Variants in OXR1 observed in about 807,000 individuals in gnomAD.
OXR1 encodes oxidation resistance protein 1.
Under a neutral mutation model 104.6 loss-of-function variants are expected in OXR1, and 41 were observed. The observed-to-expected ratio is 0.39, with a 90% CI of 0.31 to 0.51. OXR1 has a LOEUF of 0.51. OXR1 is among the 20% of genes least tolerant of loss of function. The probability of loss-of-function intolerance (pLI) is 0.77; values close to 1 mark genes in which losing one functional copy is unlikely to be tolerated. For synonymous variants in OXR1, 348 were observed against 348.4 expected (o/e 1.00, Z 0.01); for missense variants, 955 against 1,031.9 (o/e 0.93, Z 1.02).
intron 2 of OXR1, among the ~76,000 whole-genome samples, chr8:106,450,220 C>T (rs1267020451): frequency 6.6e-6 from 1 of 152,100 alleles, no homozygotes; most frequent in Non-Finnish European, 1.5e-5. Context: ...CTTATGAAGA[C>T]GTTCCTCATA....
intron 1 of OXR1, among the ~76,000 whole-genome samples, chr8:106,342,277 G>A (rs1167813911): frequency 6.8e-6 from 1 of 146,454 alleles, no homozygotes; most frequent in Non-Finnish European, 1.5e-5. Flanking sequence ...TCGAGACAGA[G>A]TCTCACTCTG....
At chr8:106,511,723 A>G (rs1333944853) in intron 2 of OXR1, among the ~76,000 whole-genome samples, 2 of 152,258 alleles carry the variant, frequency 1.3e-5, no homozygotes, top group Admixed American at 6.5e-5. Context: ...AGGCAGATAT[A>G]GCATGAATAC....
At chr8:106,540,206 A>G (rs1338672544) in intron 3 of OXR1, among the ~76,000 whole-genome samples, 1 of 152,152 alleles carries the variant, frequency 6.6e-6, no homozygotes, top group Non-Finnish European at 1.5e-5. Context: ...AAGTTAAGGA[A>G]TCAGGAGCAC....
At chr8:106,674,465 A>C (rs1587043066) in intron 3 of OXR1, among the ~76,000 whole-genome samples, 1 of 152,318 alleles carries the variant, frequency 6.6e-6, no homozygotes, top group East Asian at 1.9e-4. Flanking sequence ...GCTTATAGGC[A>C]GAAGGAACTT....
At chr8:106,674,597 G>A (rs1041066787) in intron 3 of OXR1, among the ~76,000 whole-genome samples, 1 of 152,110 alleles carries the variant, frequency 6.6e-6, no homozygotes, top group Non-Finnish European at 1.5e-5. Context: ...CATGAAATTT[G>A]GGAGGGGCCA....
chr8:106,281,357 C>T (rs933584034), intron 1 of OXR1, among the ~76,000 whole-genome samples: 1 of 152,138 alleles, frequency 6.6e-6, no homozygotes, highest in Non-Finnish European at 1.5e-5. Context: ...ATGGATTCCA[C>T]AGAATAGAAT....
At chr8:106,565,210 T>C (rs1285477693) in intron 3 of OXR1, among the ~76,000 whole-genome samples, 1 of 152,210 alleles carries the variant, frequency 6.6e-6, no homozygotes, top group East Asian at 1.9e-4. Context: ...GATGACATGA[T>C]TGTATATTTA....
At chr8:106,551,385 T>G (rs1445800656) in intron 3 of OXR1, among the ~76,000 whole-genome samples, 1 of 152,198 alleles carries the variant, frequency 6.6e-6, no homozygotes, top group Non-Finnish European at 1.5e-5. Context: ...GAAAGTTCTA[T>G]TCACTTAAGG....
Position 106,379,354 on chromosome 8 carries a change from C to T in OXR1, c.23+19718C>T, listed in dbSNP as rs553882802. ...ATGTAGATCTTTCTGATAATATTAACTAACAGTTTCAGCTGCTTTTTAAAG... is the reference window on the plus strand; with the variant it reads ...ATGTAGATCTTTCTGATAATATTAATTAACAGTTTCAGCTGCTTTTTAAAG... On this transcript the variant is annotated intron_variant, in intron 2 of 16. Coordinates refer to ENST00000517566, the MANE Select transcript of OXR1 (RefSeq NM_001198533.2). Among the ~76,000 whole-genome samples, 373 of 152,200 alleles carry T rather than the reference C, an allele frequency of 2.5e-3. 1 individual carries two copies. The highest frequency in any genetic ancestry group is 4.7e-3 in the Non-Finnish European group (319 of 68,010).
chr8:106,742,852 A>C (rs1278952327), intron 15 of OXR1, among the ~76,000 whole-genome samples: 1 of 152,240 alleles, frequency 6.6e-6, no homozygotes, highest in Non-Finnish European at 1.5e-5. Flanking sequence ...ACCCTAGAAG[A>C]AAATCTAGGC....
chr8:106,562,025 T>G lies in OXR1; in HGVS notation c.220+42886T>G, dbSNP rs375708641. Among the ~76,000 whole-genome samples, 12 of 152,174 alleles carry G rather than the reference T, an allele frequency of 7.9e-5. No individual in the cohort carries two copies. The East Asian group carries it at 1.7e-3, about 22-fold the overall frequency. ...ACCCACAAAGATGAGGAAAAACCAG[T>G]GCAAAAAGGCTAAAAATTCCAAATC... On this transcript the variant is annotated intron_variant, in intron 3 of 16. Coordinates refer to ENST00000517566, the MANE Select transcript of OXR1 (RefSeq NM_001198533.2).
chr8:106,570,199 T>C (rs1264790624), intron 3 of OXR1, among the ~76,000 whole-genome samples: 1 of 152,172 alleles, frequency 6.6e-6, no homozygotes, highest in Non-Finnish European at 1.5e-5. Flanking sequence ...TAATGCTGCT[T>C]CCACTGTGTC....
chr8:106,320,360 C>CCT (rs1457356196), intron 1 of OXR1, among the ~76,000 whole-genome samples: 2 of 152,128 alleles, frequency 1.3e-5, no homozygotes, highest in Non-Finnish European at 2.9e-5. Context: ...GTCCCCTTTA[C>CCT]CTCTGGTTAG....
intron 2 of OXR1, among the ~76,000 whole-genome samples, chr8:106,445,194 AT>A (rs35226646): frequency 1.3e-5 from 2 of 152,128 alleles, no homozygotes; most frequent in African/African-American, 4.8e-5. Flanking sequence ...CATCTTACGT[AT>A]TTTATTTCTA....
intron 2 of OXR1, among the ~76,000 whole-genome samples, chr8:106,435,908 A>G (rs187985361): frequency 3.4e-4 from 52 of 152,226 alleles, no homozygotes; most frequent in Non-Finnish European, 7.4e-5. Flanking sequence ...ACCAAAAGTG[A>G]TCTAACCAAT....
At chr8:106,717,694 G>A (rs529233867) in intron 11 of OXR1, among the ~76,000 whole-genome samples, 1 of 152,142 alleles carries the variant, frequency 6.6e-6, no homozygotes, top group Non-Finnish European at 1.5e-5. Flanking sequence ...AATTGTATAG[G>A]CATATAGTTC....
intron 3 of OXR1, among the ~76,000 whole-genome samples, chr8:106,652,244 C>T (rs763087016): frequency 6.6e-6 from 1 of 151,990 alleles, no homozygotes; most frequent in African/African-American, 2.4e-5. Flanking sequence ...TGACAATTTG[C>T]TGAGAGTGAG....
chr8:106,346,432 G>C (rs919104891), intron 1 of OXR1, among the ~76,000 whole-genome samples: 1 of 152,098 alleles, frequency 6.6e-6, no homozygotes. Flanking sequence ...CATTTTTCAA[G>C]GAGTCATTGT....
chr8:106,568,334 A>C (rs776495759), intron 3 of OXR1, among the ~76,000 whole-genome samples: 2 of 152,156 alleles, frequency 1.3e-5, no homozygotes, highest in Non-Finnish European at 2.9e-5. Flanking sequence ...TTCTTCACTT[A>C]TCAAGTCCTC....
Sources: gnomAD v4.1 joint callset for allele counts (sites outside exome capture counted in the v4.1 genomes callset) on GRCh38, gnomAD v4.1.1 for gene constraint, MANE v1.5 for transcripts, NCBI Gene and HGNC (gene_info 2026-07-23, HGNC 2026-07-21) for gene names.